The following NR3C2 variants were observed in gnomAD, a reference collection of about 807,000 sequenced individuals.
NR3C2 encodes mineralocorticoid receptor.
Under a neutral mutation model 86.4 loss-of-function variants are expected in NR3C2, and 15 were observed. The observed-to-expected ratio is 0.17, with a 90% CI of 0.12 to 0.27. The LOEUF (loss-of-function observed/expected upper bound fraction) is 0.27. Among genes scored for constraint, NR3C2 ranks in the 10% least tolerant of loss-of-function variants. The pLI, the probability that NR3C2 is intolerant of heterozygous loss-of-function variation, is 1.00. For missense variants in NR3C2, 960 were observed against 1,195.6 expected, an observed-to-expected ratio of 0.80 and a Z score of 2.91; for synonymous variants, 458 against 450.5, an observed-to-expected ratio of 1.02 and a Z score of -0.21.
chr4:148,428,461 C>T (rs569489070), intron 2 of NR3C2, among the ~76,000 whole-genome samples: 2 of 152,200 alleles, frequency 1.3e-5, no homozygotes, highest in African/African-American at 2.4e-5. Context: ...AAGCACAATA[C>T]ATAATTCTGA....
chr4:148,245,476 A>G (rs1235139306), intron 3 of NR3C2, among the ~76,000 whole-genome samples: 1 of 152,188 alleles, frequency 6.6e-6, no homozygotes, highest in Non-Finnish European at 1.5e-5. Context: ...TAATTTCCTC[A>G]TCAAAAATTA....
intron 8 of NR3C2, among the ~76,000 whole-genome samples, chr4:148,093,426 ATAC>A (rs1731146248): frequency 6.6e-6 from 1 of 152,222 alleles, no homozygotes; most frequent in Non-Finnish European, 1.5e-5. Flanking sequence ...AGCCTGAATG[ATAC>A]AGCCTCTCTA....
chr4:148,146,028 C>T (rs1002143832), intron 6 of NR3C2, among the ~76,000 whole-genome samples: 2 of 151,948 alleles, frequency 1.3e-5, no homozygotes, highest in Non-Finnish European at 2.9e-5. Context: ...GCAGAAATCA[C>T]ACAACAGTTT....
chr4:148,124,134 A>G (rs895684789), intron 6 of NR3C2, among the ~76,000 whole-genome samples: 4 of 152,098 alleles, frequency 2.6e-5, no homozygotes, highest in African/African-American at 9.7e-5. Context: ...GCTACTCAGG[A>G]GGGTGAGGTG....
intron 2 of NR3C2, among the ~76,000 whole-genome samples, chr4:148,399,587 TA>T (rs1049962173): frequency 6.6e-6 from 1 of 151,466 alleles, no homozygotes; most frequent in South Asian, 2.1e-4. Flanking sequence ...GTTTGGAAAA[TA>T]AAAATTTTCA....
At chr4:148,416,520 C>A (rs1033322225) in intron 2 of NR3C2, among the ~76,000 whole-genome samples, 3 of 152,178 alleles carry the variant, frequency 2.0e-5, no homozygotes, top group African/African-American at 4.8e-5. Flanking sequence ...ACTGAGGACA[C>A]CTGGCTGAAG....
chr4:148,242,953 A>G lies in NR3C2; in HGVS notation c.1897+17025T>C, dbSNP rs141649831. Reference sequence around the variant, plus strand: ...AAATACTATTAAAATGATTCTAATAAAGGTAGGAACGTTAATTGGTTACAG... The same window carrying G: ...AAATACTATTAAAATGATTCTAATAGAGGTAGGAACGTTAATTGGTTACAG... On this transcript the variant is annotated intron_variant, in intron 3 of 8. Transcript: ENST00000358102. Among the ~76,000 whole-genome samples, 239 of 152,262 alleles carry G rather than the reference A, an allele frequency of 1.6e-3. 1 individual carries two copies. The highest frequency in any genetic ancestry group is 5.6e-3 in the African/African-American group (232 of 41,560).
chr4:148,321,586 GGATA>G (rs1179881356), intron 2 of NR3C2, among the ~76,000 whole-genome samples: 1 of 152,076 alleles, frequency 6.6e-6, no homozygotes, highest in African/African-American at 2.4e-5. Context: ...TATATATTTA[GGATA>G]GTTAGCTCTT....
chr4:148,244,235 C>T (rs556723650), intron 3 of NR3C2, among the ~76,000 whole-genome samples: 1 of 152,266 alleles, frequency 6.6e-6, no homozygotes, highest in Non-Finnish European at 1.5e-5. Flanking sequence ...TCTTGAGGGC[C>T]GGATAGCTAC....
chr4:148,346,113 C>T (rs1334880768), intron 2 of NR3C2, among the ~76,000 whole-genome samples: 1 of 151,908 alleles, frequency 6.6e-6, no homozygotes, highest in East Asian at 1.9e-4. Context: ...GGGTGAAGCC[C>T]AGAAAGGCAG....
intron 6 of NR3C2, among the ~76,000 whole-genome samples, chr4:148,135,805 C>A (rs1733278740): frequency 6.6e-6 from 1 of 151,794 alleles, no homozygotes; most frequent in Admixed American, 6.6e-5. Context: ...GCCTGTAATC[C>A]CAGCACTTTG....
chr4:148,391,968 C>A (rs1218397678), intron 2 of NR3C2, among the ~76,000 whole-genome samples: 1 of 150,820 alleles, frequency 6.6e-6, no homozygotes, highest in African/African-American at 2.4e-5. Context: ...AAAAAAAAAC[C>A]TTTGGAGAAA....
At chr4:148,354,276 TTACTA>T (rs1745442805) in intron 2 of NR3C2, among the ~76,000 whole-genome samples, 2 of 152,184 alleles carry the variant, frequency 1.3e-5, no homozygotes, top group Admixed American at 6.5e-5. Flanking sequence ...CTAGCTTACC[TTACTA>T]TAAGAACACA....
intron 6 of NR3C2, among the ~76,000 whole-genome samples, chr4:148,139,662 G>T (rs1006608074): frequency 6.6e-6 from 1 of 152,180 alleles, no homozygotes; most frequent in Non-Finnish European, 1.5e-5. Flanking sequence ...GTTGGCTCGG[G>T]CAACACTCCT....
Position 148,078,820 on chromosome 4 carries a change from T to C in NR3C2, c.*2524A>G, listed in dbSNP as rs1299897758. ...TTACAGTCCTTTGCAAAGACAGACA[T>C]ATGTTTTTGCATAAAGATATAAATT... On this transcript the variant is annotated 3_prime_UTR_variant, in exon 9 of 9. Transcript: ENST00000358102. The C allele has an allele frequency of 6.6e-6, 1 of 152,658 alleles. No homozygotes were observed. Among genetic ancestry groups the C allele is most frequent in the Admixed American group, 6.5e-5 (1 of 15,286 alleles). 9.5% of individuals were successfully genotyped at this position (152,658 alleles called of 1,614,324 possible).
At chr4:148,090,255 G>C (rs1730998649) in intron 8 of NR3C2, among the ~76,000 whole-genome samples, 1 of 152,230 alleles carries the variant, frequency 6.6e-6, no homozygotes. Context: ...GGTGCTGCTA[G>C]TGTGACGAGG....
At chr4:148,119,408 G>C (rs1732410874) in intron 7 of NR3C2, among the ~76,000 whole-genome samples, 1 of 152,132 alleles carries the variant, frequency 6.6e-6, no homozygotes, top group South Asian at 2.1e-4. Context: ...GTCCCTCCCA[G>C]ATCCCCAGAA....
Position 148,144,014 on chromosome 4 carries a change from G to A in NR3C2, c.2510+8455C>T, listed in dbSNP as rs144671508. On this transcript the variant is annotated intron_variant, in intron 6 of 8. Transcript: ENST00000358102. ...GTTAGGAAGTGTCCCCTCAGTTCTC[G>A]TCTTAAGTTAATACTCCCCTCTTAG... Among the ~76,000 whole-genome samples, 781 of 148,760 alleles carry A rather than the reference G, an allele frequency of 5.3e-3. 8 individuals carry two copies. Among genetic ancestry groups the A allele is most frequent in the African/African-American group, 0.018 (729 of 40,404 alleles).
chr4:148,384,491 T>C (rs926969589), intron 2 of NR3C2, among the ~76,000 whole-genome samples: 3 of 152,134 alleles, frequency 2.0e-5, no homozygotes, highest in African/African-American at 7.2e-5. Flanking sequence ...TTTCAAATTG[T>C]ACACATAAAC....
Sources: allele counts gnomAD v4.1 joint callset (sites outside exome capture counted in the v4.1 genomes callset), GRCh38; gene constraint gnomAD v4.1.1; transcripts MANE v1.5; gene names NCBI Gene and HGNC (gene_info 2026-07-23, HGNC 2026-07-21).